GLIS3: variants seen among roughly 807,000 people sequenced by gnomAD.
The protein encoded by GLIS3 is GLIS family zinc finger 3.
GLIS3 carries 53 observed loss-of-function variants against 78.6 expected under a neutral mutation model. That is an observed-to-expected ratio of 0.67 (90% CI 0.54 to 0.85). GLIS3 has a LOEUF of 0.85. Ranked by LOEUF, GLIS3 falls within the 40% of genes least tolerant of loss-of-function variation. GLIS3 has a pLI of 0.00. For missense variants in GLIS3, 1,703 were observed against 1,231.1 expected (o/e 1.38, Z -5.74); for synonymous variants, 684 against 509.9 (o/e 1.34, Z -4.60).
chr9:4,132,232 G>A (rs763224613), intron 2 of GLIS3, among the ~76,000 whole-genome samples: 2 of 152,176 alleles, frequency 1.3e-5, no homozygotes, highest in African/African-American at 4.8e-5. Flanking sequence ...CTGCTCAAAT[G>A]AGGACCTAAG....
rs533938452 is a variant in GLIS3 at position 3,839,732 on chromosome 9, T to C, written c.2474-10240A>G. On this transcript the variant is annotated intron_variant, in intron 9 of 10. Transcript: ENST00000381971. ...GGGCTCAGGCTCATGACCAAATCAA[T>C]TTAAATACAATCTTGCCACTTTTGT... Among the ~76,000 whole-genome samples the C allele has an allele frequency of 3.0e-4, 45 of 152,280 alleles. 2 individuals are homozygous for C. In the South Asian group the frequency reaches 8.9e-3, roughly 30 times the overall value.
At chr9:4,410,167 G>C in the GLIS3 span, among the ~76,000 whole-genome samples, 1 of 149,204 alleles carries the variant, frequency 6.7e-6, no homozygotes, top group Non-Finnish European at 1.5e-5. Flanking sequence ...AGCAGAGACA[G>C]TGTTTTGCCA....
the GLIS3 span, among the ~76,000 whole-genome samples, chr9:4,473,454 C>CACCAAAAAAAAAAAAAAAAAAAA: frequency 3.4e-5 from 2 of 58,892 alleles, no homozygotes; most frequent in Non-Finnish European, 4.5e-5. Context: ...TCAACAACAA[C>CACCAAAAAAAAAAAAAAAAAAAA]AACAACAAAA....
chr9:3,861,715 TATAAG>T, intron 8 of GLIS3, among the ~76,000 whole-genome samples: 1 of 152,186 alleles, frequency 6.6e-6, no homozygotes, highest in East Asian at 1.9e-4. Flanking sequence ...TGTTCTCACT[TATAAG>T]TGGGAGCTGA....
intron 9 of GLIS3, among the ~76,000 whole-genome samples, chr9:3,831,200 C>G (rs1053193246): frequency 6.6e-6 from 1 of 152,148 alleles, no homozygotes. Flanking sequence ...TTAGTATAGA[C>G]TAGGAAAATA....
chr9:4,301,897 G>C (rs528466984), upstream of GLIS3, among the ~76,000 whole-genome samples: 1 of 152,248 alleles, frequency 6.6e-6, no homozygotes, highest in African/African-American at 2.4e-5. Context: ...CCAAGAGTGG[G>C]AATGTCATTT....
At chr9:3,884,717 G>A (rs1003766598) in intron 7 of GLIS3, among the ~76,000 whole-genome samples, 2 of 152,098 alleles carry the variant, frequency 1.3e-5, no homozygotes, top group Non-Finnish European at 2.9e-5. Context: ...AGGAACTTGA[G>A]GCCTCTTCTG....
intron 2 of GLIS3, among the ~76,000 whole-genome samples, chr9:4,196,906 G>A (rs549268554): frequency 5.9e-5 from 9 of 152,262 alleles, no homozygotes; most frequent in African/African-American, 1.7e-4. Context: ...CTGTTCCCCT[G>A]AGATCATGGT....
intron 7 of GLIS3, among the ~76,000 whole-genome samples, chr9:3,882,450 G>A (rs1036308787): frequency 1.3e-5 from 2 of 152,166 alleles, no homozygotes; most frequent in Non-Finnish European, 2.9e-5. Context: ...GTGCAGTTGA[G>A]GAGAGGTGCT....
intron 1 of GLIS3, among the ~76,000 whole-genome samples, chr9:4,288,961 G>A (rs1245572604): frequency 1.3e-5 from 2 of 151,996 alleles, no homozygotes; most frequent in Non-Finnish European, 1.5e-5. Flanking sequence ...TTAGATATTA[G>A]AATGTAAAAA....
intron 4 of GLIS3, among the ~76,000 whole-genome samples, chr9:3,966,123 G>A (rs1451799597): frequency 6.6e-6 from 1 of 152,130 alleles, no homozygotes; most frequent in African/African-American, 2.4e-5. Flanking sequence ...GCTCTAAGAG[G>A]GAAGATATCT....
At chr9:4,246,826 A>C (rs1823848686) in intron 2 of GLIS3, among the ~76,000 whole-genome samples, 1 of 152,180 alleles carries the variant, frequency 6.6e-6, no homozygotes, top group South Asian at 2.1e-4. Flanking sequence ...AAAACTTTAA[A>C]TTGTGTTTCA....
chr9:4,243,400 A>G (rs3063676), intron 2 of GLIS3, among the ~76,000 whole-genome samples: 67 of 87,812 alleles, frequency 7.6e-4, no homozygotes, highest in East Asian at 2.3e-3. Flanking sequence ...ACATACACGC[A>G]CACACACACA....
the GLIS3 span, among the ~76,000 whole-genome samples, chr9:4,455,578 T>C: frequency 2.6e-5 from 4 of 152,164 alleles, no homozygotes; most frequent in East Asian, 7.7e-4. Flanking sequence ...TAACATTCTT[T>C]CCAAACTTAA....
intron 7 of GLIS3, among the ~76,000 whole-genome samples, chr9:3,880,632 G>A (rs1323028114): frequency 1.3e-5 from 2 of 152,186 alleles, no homozygotes; most frequent in East Asian, 3.8e-4. Flanking sequence ...AGAAAGAGAA[G>A]CCACATTATC....
the GLIS3 span, among the ~76,000 whole-genome samples, chr9:4,397,993 C>G: frequency 7.2e-4 from 110 of 152,132 alleles, no homozygotes; most frequent in Middle Eastern, 3.4e-3. Flanking sequence ...TCTGTTCTGC[C>G]CTCAAACTCA....
intron 2 of GLIS3, among the ~76,000 whole-genome samples, chr9:4,192,936 T>C (rs1324624574): frequency 1.3e-5 from 2 of 152,202 alleles, no homozygotes; most frequent in Non-Finnish European, 2.9e-5. Context: ...GACAGGATAC[T>C]GCAAGGAGGT....
intron 4 of GLIS3, among the ~76,000 whole-genome samples, chr9:3,939,777 G>T (rs964258203): frequency 6.6e-6 from 1 of 151,798 alleles, no homozygotes; most frequent in African/African-American, 2.4e-5. Context: ...GAAGAAGAAA[G>T]GCAGTTTCAT....
intron 2 of GLIS3, among the ~76,000 whole-genome samples, chr9:4,217,048 T>C (rs1443374279): frequency 6.6e-6 from 1 of 152,192 alleles, no homozygotes; most frequent in Admixed American, 6.5e-5. Context: ...AGAGTCATGG[T>C]TCCAAAGTTA....
Sources: gnomAD v4.1 joint callset for allele counts (sites outside exome capture counted in the v4.1 genomes callset) on GRCh38, gnomAD v4.1.1 for gene constraint, MANE v1.5 for transcripts, NCBI Gene and HGNC (gene_info 2026-07-23, HGNC 2026-07-21) for gene names.